Variants in BRI3 observed in about 807,000 individuals in gnomAD.
BRI3 encodes membrane protein BRI3.
BRI3 carries 6 observed loss-of-function variants against 12.8 expected under a neutral mutation model. That is an observed-to-expected ratio of 0.47 (90% CI 0.26 to 0.93). The LOEUF is 0.93. Ranked by LOEUF, BRI3 falls within the 40% of genes least tolerant of loss-of-function variation. BRI3 has a pLI of 0.15. For synonymous variants in BRI3, 91 were observed against 76.1 expected (o/e 1.20, Z -1.02); for missense variants, 134 against 171.1 (o/e 0.78, Z 1.21).
At chr7:98,295,090 G>C (rs577058207), downstream of BRI3, among the ~76,000 whole-genome samples, 1 of 152,338 alleles carries the variant, frequency 6.6e-6, no homozygotes, top group South Asian at 2.1e-4. Context: ...CCCCCAGGGG[G>C]TCTCAGGGAG....
At chr7:98,313,411 T>C (rs536386734), downstream of BRI3, among the ~76,000 whole-genome samples, 2 of 152,208 alleles carry the variant, frequency 1.3e-5, no homozygotes, top group African/African-American at 4.8e-5. Flanking sequence ...GGTGCTAGGC[T>C]GCCTCATGAC....
chr7:98,285,903 G>A (rs927240043), intron 2 of BRI3, among the ~76,000 whole-genome samples: 34 of 152,194 alleles, frequency 2.2e-4, no homozygotes, highest in African/African-American at 8.0e-4. Flanking sequence ...GCCCTCTGAG[G>A]AAGCCCTGCG....
intron 2 of BRI3, among the ~76,000 whole-genome samples, chr7:98,287,015 A>T (rs991579810): frequency 6.6e-6 from 1 of 152,084 alleles, no homozygotes; most frequent in African/African-American, 2.4e-5. Flanking sequence ...TGAGGGCCGA[A>T]CTCTCCTGGC....
chr7:98,291,639 G>A, downstream of BRI3: 2 of 481,916 alleles, frequency 4.2e-6, no homozygotes, highest in Non-Finnish European at 5.5e-6. Flanking sequence ...GGCGCTTACA[G>A]CTCAAGAAAA....
intron 2 of BRI3, among the ~76,000 whole-genome samples, chr7:98,285,526 C>T (rs1799682066): frequency 1.3e-5 from 2 of 152,166 alleles, no homozygotes. Context: ...AGCGGATGGG[C>T]CGGAGCTTGG....
In BRI3 at chr7:98,281,713, G is replaced by A; in HGVS notation, c.-83G>A. 2 of 657,600 alleles carry A rather than the reference G, an allele frequency of 3.0e-6. No homozygotes were observed. Among genetic ancestry groups the A allele is most frequent in the South Asian group, 6.7e-5 (1 of 14,924 alleles). The allele number at this position is 657,600 out of a possible 1,614,324, so 40.7% of individuals were successfully genotyped here. A position where few individuals can be genotyped will look rare whatever the true frequency, so the allele number is the denominator to read the frequency against. On this transcript the variant is annotated 5_prime_UTR_variant, in exon 1 of 3. Transcript: ENST00000297290. ...AGGGGCCCGAGCCACCCGGTCCGCC[G>A]CGTCCCCGCCGCCGCCGCCGCGTCC... is the stretch of plus-strand genomic sequence containing the variant.
chr7:98,294,513 A>G (rs1166009329), downstream of BRI3, among the ~76,000 whole-genome samples: 2 of 152,200 alleles, frequency 1.3e-5, no homozygotes, highest in Non-Finnish European at 2.9e-5. Flanking sequence ...TCGGGAGCTC[A>G]CATGTGAACG....
exon 2 of BRI3, chr7:98,308,395 A>G: frequency 2.4e-6 from 1 of 416,768 alleles, no homozygotes; most frequent in Non-Finnish European, 4.9e-6. Context: ...AAGAAGGACA[A>G]GGTGAGGATG....
chr7:98,311,489 C>T (rs1008578993), downstream of BRI3, among the ~76,000 whole-genome samples: 1 of 150,784 alleles, frequency 6.6e-6, no homozygotes, highest in Non-Finnish European at 1.5e-5. Flanking sequence ...TACAGTGAGC[C>T]GAGATTGCGC....
At chr7:98,301,189 C>CG (rs1562964357) in intron 1 of BRI3, among the ~76,000 whole-genome samples, 2 of 152,178 alleles carry the variant, frequency 1.3e-5, no homozygotes, top group Non-Finnish European at 2.9e-5. Context: ...CAGAGGTCTG[C>CG]GGCCCAGGAA....
chr7:98,292,679 G>A (rs1170913384), downstream of BRI3: 2 of 1,551,640 alleles, frequency 1.3e-6, no homozygotes, highest in African/African-American at 1.4e-5. Flanking sequence ...TCCTTTGAGA[G>A]TCTGTACCTG....
upstream of BRI3, chr7:98,304,419 A>C: frequency 6.3e-7 from 1 of 1,598,548 alleles, no homozygotes; most frequent in African/African-American, 1.3e-5. Flanking sequence ...ATAATGTCTC[A>C]CCACCAAACC....
At chr7:98,304,794 C>T (rs1800574831), upstream of BRI3, among the ~76,000 whole-genome samples, 1 of 151,814 alleles carries the variant, frequency 6.6e-6, no homozygotes, top group Non-Finnish European at 1.5e-5. Flanking sequence ...GCTGGGATTA[C>T]AGCATGAGCC....
intron 2 of BRI3, among the ~76,000 whole-genome samples, chr7:98,285,668 G>GC (rs1172404662): frequency 6.6e-6 from 1 of 152,198 alleles, no homozygotes; most frequent in East Asian, 1.9e-4. Context: ...GGGTGTGGTG[G>GC]CAGGCAGAGT....
At chr7:98,307,677 G>C in exon 2 of BRI3, 1 of 1,613,308 alleles carries the variant, frequency 6.2e-7, no homozygotes, top group Non-Finnish European at 8.5e-7. Context: ...GGACCATCAC[G>C]CCCAGACTTA....
chr7:98,311,554 A>C (rs1800869578), downstream of BRI3, among the ~76,000 whole-genome samples: 1 of 151,730 alleles, frequency 6.6e-6, no homozygotes, highest in Admixed American at 6.6e-5. Flanking sequence ...AACAAAAAAA[A>C]TAAAAAAAAA....
intron 2 of BRI3, among the ~76,000 whole-genome samples, chr7:98,289,901 C>T (rs1043999682): frequency 1.2e-4 from 18 of 152,148 alleles, no homozygotes; most frequent in Admixed American, 7.9e-4. Context: ...CTCACTGGCG[C>T]AGGATTTGAG....
the BRI3 span, among the ~76,000 whole-genome samples, chr7:98,321,648 T>C: frequency 6.6e-6 from 1 of 152,194 alleles, no homozygotes; most frequent in Non-Finnish European, 1.5e-5. Context: ...TGCCAACTTA[T>C]CTGCAGGAAC....
At chr7:98,294,851 C>A (rs569220028), downstream of BRI3, among the ~76,000 whole-genome samples, 1 of 152,176 alleles carries the variant, frequency 6.6e-6, no homozygotes, top group Non-Finnish European at 1.5e-5. Flanking sequence ...CTACAGGGCT[C>A]GGGTGGGGAG....
Sources: gnomAD v4.1 joint callset for allele counts (sites outside exome capture counted in the v4.1 genomes callset) on GRCh38, gnomAD v4.1.1 for gene constraint, MANE v1.5 for transcripts, NCBI Gene and HGNC (gene_info 2026-07-23, HGNC 2026-07-21) for gene names.